Variants in CIRSR observed in about 807,000 individuals in gnomAD.
The protein encoded by CIRSR is CBF1 (RBPJ) interacting corepressor 1.
At chr2:174,387,499 A>G in the CIRSR span, 1 of 520,322 alleles carries the variant, frequency 1.9e-6, no homozygotes, top group Non-Finnish European at 3.2e-6. Context: ...TACGTGAATT[A>G]TGGGTAAAGC....
chr2:174,348,742 CTCTCT>C, the CIRSR span: 4 of 1,614,014 alleles, frequency 2.5e-6, no homozygotes, highest in Non-Finnish European at 3.4e-6. Context: ...CTTTCAGAGC[CTCTCT>C]TCTCTGGGCT....
chr2:174,360,161 T>C, the CIRSR span, among the ~76,000 whole-genome samples: 1 of 152,222 alleles, frequency 6.6e-6, no homozygotes, highest in Non-Finnish European at 1.5e-5. Flanking sequence ...TATACATATG[T>C]AACAAACTGC....
the CIRSR span, among the ~76,000 whole-genome samples, chr2:174,365,455 C>T: frequency 2.0e-5 from 3 of 152,282 alleles, no homozygotes; most frequent in Admixed American, 6.5e-5. Context: ...TTCAGCAACA[C>T]CTCACTCTAT....
the CIRSR span, among the ~76,000 whole-genome samples, chr2:174,378,285 G>C: frequency 3.0e-4 from 46 of 152,242 alleles, no homozygotes; most frequent in African/African-American, 1.1e-3. Flanking sequence ...AAGGTTACAG[G>C]ATTAAACAGA....
chr2:174,367,360 A>G, the CIRSR span, among the ~76,000 whole-genome samples: 1 of 152,160 alleles, frequency 6.6e-6, no homozygotes, highest in Non-Finnish European at 1.5e-5. Context: ...CAGACGGATC[A>G]CGAGGTCAAG....
chr2:174,352,039 A>G, the CIRSR span: 8 of 189,210 alleles, frequency 4.2e-5, no homozygotes, highest in East Asian at 1.0e-3. Flanking sequence ...TATTATAATA[A>G]AAAACTACAA....
At chr2:174,356,397 G>A in the CIRSR span, among the ~76,000 whole-genome samples, 1 of 152,002 alleles carries the variant, frequency 6.6e-6, no homozygotes, top group African/African-American at 2.4e-5. Flanking sequence ...GAACACAGGA[G>A]GTTGAGGGTG....
the CIRSR span, chr2:174,380,913 A>T: frequency 1.1e-6 from 1 of 935,142 alleles, no homozygotes; most frequent in East Asian, 2.7e-5. Flanking sequence ...ATGTTATTTA[A>T]TTGTCACTTG....
chr2:174,384,738 A>T, the CIRSR span, among the ~76,000 whole-genome samples: 13 of 152,298 alleles, frequency 8.5e-5, no homozygotes, highest in African/African-American at 2.2e-4. Flanking sequence ...TATTGAAAAA[A>T]AATAATAATA....
chr2:174,356,912 C>T, the CIRSR span, among the ~76,000 whole-genome samples: 1 of 151,972 alleles, frequency 6.6e-6, no homozygotes, highest in African/African-American at 2.4e-5. Flanking sequence ...CTATTACTTC[C>T]AAATTTATTT....
the CIRSR span, chr2:174,348,517 T>C: frequency 6.2e-7 from 1 of 1,611,126 alleles, no homozygotes; most frequent in Non-Finnish European, 8.5e-7. Context: ...TGTGTCACTT[T>C]AGTATGTGTA....
At chr2:174,356,531 AAAGG>A in the CIRSR span, among the ~76,000 whole-genome samples, 38 of 133,660 alleles carry the variant, frequency 2.8e-4, no homozygotes, top group African/African-American at 9.7e-4. Flanking sequence ...AAGAAAGAAG[AAAGG>A]AAGGAAGGAA....
the CIRSR span, among the ~76,000 whole-genome samples, chr2:174,386,201 G>C: frequency 2.0e-5 from 3 of 152,036 alleles, no homozygotes; most frequent in Non-Finnish European, 4.4e-5. Flanking sequence ...GTTTATCTGA[G>C]ACGGAGTTTC....
the CIRSR span, chr2:174,378,889 T>C: frequency 7.1e-7 from 1 of 1,411,228 alleles, no homozygotes; most frequent in Non-Finnish European, 1.0e-6. Flanking sequence ...TCCTTGTTTG[T>C]CCTCTCCCGA....
chr2:174,366,336 A>G, the CIRSR span, among the ~76,000 whole-genome samples: 9 of 152,182 alleles, frequency 5.9e-5, no homozygotes, highest in African/African-American at 2.2e-4. Context: ...ACCAAACCAC[A>G]TATCCAGAGC....
At chr2:174,349,230 G>GT in the CIRSR span, 1 of 903,358 alleles carries the variant, frequency 1.1e-6, no homozygotes, top group Non-Finnish European at 1.6e-6. Flanking sequence ...TTCATCAACT[G>GT]TAAGTTATGA....
the CIRSR span, among the ~76,000 whole-genome samples, chr2:174,371,718 C>T: frequency 6.6e-6 from 1 of 152,178 alleles, no homozygotes; most frequent in Non-Finnish European, 1.5e-5. Context: ...TTGCAGTTTC[C>T]AGTGATCAAA....
chr2:174,376,794 T>A, the CIRSR span, among the ~76,000 whole-genome samples: 4 of 101,956 alleles, frequency 3.9e-5, no homozygotes, highest in African/African-American at 4.1e-5. Flanking sequence ...CGAGACTCTG[T>A]CTCAGGGAAA....
the CIRSR span, among the ~76,000 whole-genome samples, chr2:174,369,351 G>T: frequency 7.9e-5 from 12 of 152,282 alleles, no homozygotes; most frequent in South Asian, 2.5e-3. Context: ...CCTTGCTTTG[G>T]CTTAAGGGAA....
Sources: gnomAD v4.1 joint callset for allele counts (sites outside exome capture counted in the v4.1 genomes callset) on GRCh38, gnomAD v4.1.1 for gene constraint, MANE v1.5 for transcripts, NCBI Gene and HGNC (gene_info 2026-07-23, HGNC 2026-07-21) for gene names.